Variants in SLC24A3 observed in about 807,000 individuals in gnomAD.
SLC24A3 encodes sodium/potassium/calcium exchanger 3.
In SLC24A3, 28 loss-of-function variants were observed where a neutral mutation model predicts 75.8. That is an observed-to-expected ratio of 0.37 (90% CI 0.27 to 0.51). SLC24A3 has a LOEUF of 0.51. Among genes scored for constraint, SLC24A3 ranks in the 20% least tolerant of loss-of-function variants. SLC24A3 has a pLI of 0.94. For synonymous variants in SLC24A3, 372 were observed against 334.1 expected, an observed-to-expected ratio of 1.11 and a Z score of -1.24; for missense variants, 663 against 847.8, an observed-to-expected ratio of 0.78 and a Z score of 2.71.
At chr20:19,715,380 G>A (rs1486090981) in intron 15 of SLC24A3, among the ~76,000 whole-genome samples, 1 of 152,206 alleles carries the variant, frequency 6.6e-6, no homozygotes, top group African/African-American at 2.4e-5. Context: ...GGGCCGATCT[G>A]CCATTTTTCC....
At chr20:19,274,040 C>G (rs1417469166) in intron 1 of SLC24A3, among the ~76,000 whole-genome samples, 19 of 150,934 alleles carry the variant, frequency 1.3e-4, no homozygotes, top group Admixed American at 1.2e-3. Context: ...TTGCCTTCTC[C>G]CCTCTTCCCC....
chr20:19,679,660 A>G (rs1028941362), intron 9 of SLC24A3, among the ~76,000 whole-genome samples: 16 of 152,234 alleles, frequency 1.1e-4, no homozygotes, highest in African/African-American at 3.4e-4. Flanking sequence ...ACATAACCAC[A>G]TTATCGTCAT....
chr20:19,360,002 A>G (rs578102404), intron 2 of SLC24A3, among the ~76,000 whole-genome samples: 1 of 152,262 alleles, frequency 6.6e-6, no homozygotes, highest in South Asian at 2.1e-4. Context: ...TCCAGTCTAC[A>G]CATGTAAAGT....
chr20:19,266,976 C>T (rs1046484854), intron 1 of SLC24A3, among the ~76,000 whole-genome samples: 1 of 152,018 alleles, frequency 6.6e-6, no homozygotes, highest in Non-Finnish European at 1.5e-5. Flanking sequence ...ACATAAACTT[C>T]AGGTCCCATA....
intron 15 of SLC24A3, among the ~76,000 whole-genome samples, chr20:19,704,416 G>T (rs1225952040): frequency 6.6e-6 from 1 of 152,118 alleles, no homozygotes; most frequent in Admixed American, 6.5e-5. Flanking sequence ...TTCAACCAGG[G>T]CTTATTATGC....
chr20:19,267,208 A>G (rs935914091), intron 1 of SLC24A3, among the ~76,000 whole-genome samples: 2 of 152,350 alleles, frequency 1.3e-5, no homozygotes, highest in East Asian at 1.9e-4. Context: ...TATTAGTTCC[A>G]TACTTTGAGA....
At chr20:19,675,059 AAAAT>A (rs1322168824) in intron 9 of SLC24A3, among the ~76,000 whole-genome samples, 1 of 152,216 alleles carries the variant, frequency 6.6e-6, no homozygotes, top group African/African-American at 2.4e-5. Flanking sequence ...TTAAAAAATA[AAAAT>A]AAATAAGAAT....
intron 1 of SLC24A3, among the ~76,000 whole-genome samples, chr20:19,213,966 A>T (rs1015356978): frequency 1.3e-5 from 2 of 152,250 alleles, no homozygotes; most frequent in Admixed American, 1.3e-4. Flanking sequence ...AAACAAACAA[A>T]AAAACAGTTA....
chr20:19,537,779 C>T (rs1171723741), intron 3 of SLC24A3, among the ~76,000 whole-genome samples: 4 of 149,104 alleles, frequency 2.7e-5, no homozygotes, highest in Non-Finnish European at 5.9e-5. Context: ...ATTGCAAGGA[C>T]AAAAAACCAA....
chr20:19,253,511 T>G (rs539477237), intron 1 of SLC24A3, among the ~76,000 whole-genome samples: 4 of 152,202 alleles, frequency 2.6e-5, no homozygotes, highest in Non-Finnish European at 5.9e-5. Flanking sequence ...CTTCTCGGAT[T>G]GTTTCCTGGT....
chr20:19,550,387 T>C (rs1321818688), intron 3 of SLC24A3, among the ~76,000 whole-genome samples: 1 of 152,160 alleles, frequency 6.6e-6, no homozygotes, highest in African/African-American at 2.4e-5. Context: ...TTGTAGCCTA[T>C]AGAACTTAGC....
chr20:19,500,981 A>G (rs949423493), intron 2 of SLC24A3, among the ~76,000 whole-genome samples: 3 of 152,168 alleles, frequency 2.0e-5, no homozygotes, highest in African/African-American at 7.2e-5. Flanking sequence ...TACCTCTTGC[A>G]TTATTTTGTC....
At chr20:19,525,041 G>A (rs1445257444) in intron 3 of SLC24A3, among the ~76,000 whole-genome samples, 2 of 152,170 alleles carry the variant, frequency 1.3e-5, no homozygotes, top group African/African-American at 4.8e-5. Context: ...TGCAGAACAA[G>A]ACCTGCTGCT....
intron 2 of SLC24A3, among the ~76,000 whole-genome samples, chr20:19,397,646 T>C (rs1986478462): frequency 7.6e-6 from 1 of 131,238 alleles, no homozygotes; most frequent in Non-Finnish European, 1.6e-5. Context: ...TTTTTTCTTT[T>C]CTTTTTTTTT....
intron 2 of SLC24A3, among the ~76,000 whole-genome samples, chr20:19,492,174 A>G (rs1172674017): frequency 1.3e-5 from 2 of 152,160 alleles, no homozygotes; most frequent in Non-Finnish European, 2.9e-5. Context: ...TCTGGCCTTG[A>G]CAAGGCCATG....
intron 2 of SLC24A3, among the ~76,000 whole-genome samples, chr20:19,368,361 G>C (rs912989264): frequency 6.6e-6 from 1 of 152,202 alleles, no homozygotes; most frequent in Non-Finnish European, 1.5e-5. Context: ...ACTGCCCTGG[G>C]ACCCTCGTGC....
chr20:19,599,200 T>C (rs1257130313), intron 6 of SLC24A3, among the ~76,000 whole-genome samples: 1 of 152,122 alleles, frequency 6.6e-6, no homozygotes, highest in African/African-American at 2.4e-5. Context: ...GCAATTTGCT[T>C]CCAGAATTTG....
Position 19,555,777 on chromosome 20 carries a change from C to A in SLC24A3, c.349-24223C>A, listed in dbSNP as rs1380701482. ...AATTACTCTGAGTTTTGAAGGACCC[C>A]TCTCCTCCCTATGACAAATACACCA... On this transcript the variant is annotated intron_variant, in intron 3 of 16. Coordinates refer to ENST00000328041, the MANE Select transcript of SLC24A3 (RefSeq NM_020689.4). Among the ~76,000 whole-genome samples the A allele has an allele frequency of 2.6e-5, 4 of 152,188 alleles. No homozygotes were observed. The East Asian group carries it at 7.7e-4, about 29-fold the overall frequency.
intron 9 of SLC24A3, among the ~76,000 whole-genome samples, chr20:19,677,686 C>CTTTTTTTTT (rs796484728): frequency 3.5e-5 from 4 of 113,956 alleles, no homozygotes; most frequent in African/African-American, 6.6e-5. Context: ...TTTTTTTTTT[C>CTTTTTTTTT]TTTTTTTTTT....
Sources: gnomAD v4.1 joint callset for allele counts (sites outside exome capture counted in the v4.1 genomes callset) on GRCh38, gnomAD v4.1.1 for gene constraint, MANE v1.5 for transcripts, NCBI Gene and HGNC (gene_info 2026-07-23, HGNC 2026-07-21) for gene names.